SLC44A5: variants seen among roughly 807,000 people sequenced by gnomAD.
The protein encoded by SLC44A5 is choline transporter-like protein 5.
Under a neutral mutation model 101.8 loss-of-function variants are expected in SLC44A5, and 57 were observed. The ratio of observed to expected loss-of-function variants is 0.56; its 90% CI spans 0.45 to 0.70. The LOEUF is 0.70. Ranked by LOEUF, SLC44A5 falls within the 30% of genes least tolerant of loss-of-function variation. SLC44A5 has a pLI of 0.00. For missense variants in SLC44A5, 737 were observed against 853.1 expected (o/e 0.86, Z 1.70); for synonymous variants, 281 against 290.9 (o/e 0.97, Z 0.35).
intron 2 of SLC44A5, among the ~76,000 whole-genome samples, chr1:75,411,562 C>T (rs557514972): frequency 1.3e-5 from 2 of 152,080 alleles, no homozygotes; most frequent in South Asian, 2.1e-4. Context: ...AATAAACAGC[C>T]ACAAAAGGGG....
At chr1:75,317,119 C>T (rs1264951735) in intron 4 of SLC44A5, among the ~76,000 whole-genome samples, 1 of 152,190 alleles carries the variant, frequency 6.6e-6, no homozygotes, top group East Asian at 1.9e-4. Context: ...TTTAAAAGTA[C>T]GATTTTAAAC....
At chr1:75,536,355 T>A (rs1449897629) in intron 2 of SLC44A5, among the ~76,000 whole-genome samples, 1 of 151,902 alleles carries the variant, frequency 6.6e-6, no homozygotes. Flanking sequence ...ATCCCAGCCC[T>A]TTGGGAGGCC....
At chr1:75,376,276 G>A (rs1165570260) in intron 3 of SLC44A5, among the ~76,000 whole-genome samples, 1 of 152,234 alleles carries the variant, frequency 6.6e-6, no homozygotes, top group Non-Finnish European at 1.5e-5. Flanking sequence ...GCCCGCCATT[G>A]CCCAGGCTTG....
intron 13 of SLC44A5, among the ~76,000 whole-genome samples, chr1:75,227,310 A>T (rs1647223626): frequency 6.6e-6 from 1 of 152,182 alleles, no homozygotes. Context: ...GGGTGAAGTT[A>T]GCCATGATTG....
chr1:75,408,111 A>G (rs1663022464), intron 2 of SLC44A5, among the ~76,000 whole-genome samples: 1 of 152,222 alleles, frequency 6.6e-6, no homozygotes, highest in African/African-American at 2.4e-5. Flanking sequence ...CATATGAAAA[A>G]AAGCTCATTG....
At chr1:75,484,880 C>A (rs898709579) in intron 2 of SLC44A5, among the ~76,000 whole-genome samples, 4 of 152,246 alleles carry the variant, frequency 2.6e-5, no homozygotes, top group African/African-American at 9.6e-5. Context: ...ACAGCCCAAG[C>A]TGTTCCTTGG....
the SLC44A5 span, among the ~76,000 whole-genome samples, chr1:75,659,426 TGGGAGGGA>T: frequency 1.4e-4 from 6 of 43,828 alleles, no homozygotes; most frequent in South Asian, 3.7e-3. Flanking sequence ...AGAGGGAGGG[TGGGAGGGA>T]GGGAGGGAGG....
chr1:75,350,921 A>T (rs1435528588), intron 3 of SLC44A5, among the ~76,000 whole-genome samples: 1 of 151,580 alleles, frequency 6.6e-6, no homozygotes. Flanking sequence ...AGACAGAAAG[A>T]AAAAGGTTGA....
chr1:75,657,081 G>A, the SLC44A5 span, among the ~76,000 whole-genome samples: 53 of 152,164 alleles, frequency 3.5e-4, no homozygotes, highest in African/African-American at 1.3e-3. Flanking sequence ...TCCAGGAGGT[G>A]TAGGTTGCAG....
intron 2 of SLC44A5, among the ~76,000 whole-genome samples, chr1:75,439,367 G>T (rs563383528): frequency 1.4e-4 from 21 of 152,164 alleles, no homozygotes; most frequent in African/African-American, 5.1e-4. Context: ...TGACCAAGGA[G>T]ATTTGAAAAG....
chr1:75,228,929 A>G (rs1647316733), intron 12 of SLC44A5, among the ~76,000 whole-genome samples: 1 of 151,690 alleles, frequency 6.6e-6, no homozygotes, highest in Admixed American at 6.6e-5. Context: ...TAATAATTTT[A>G]GTGTCCAATG....
At chr1:75,615,953 G>C (rs929270997), upstream of SLC44A5, 1 of 902,916 alleles carries the variant, frequency 1.1e-6, no homozygotes, top group Admixed American at 6.2e-5. Context: ...GCTCCCAGGC[G>C]AGCCCTCGCC....
chr1:75,343,188 CT>C (rs1336552912), intron 3 of SLC44A5, among the ~76,000 whole-genome samples: 1 of 152,130 alleles, frequency 6.6e-6, no homozygotes, highest in Non-Finnish European at 1.5e-5. Context: ...ATTTTATAAG[CT>C]TCTTAAGTCA....
intron 3 of SLC44A5, among the ~76,000 whole-genome samples, chr1:75,342,192 G>T (rs1657934801): frequency 6.6e-6 from 1 of 152,070 alleles, no homozygotes; most frequent in Non-Finnish European, 1.5e-5. Flanking sequence ...ATTCAAGAAA[G>T]TCAAATAATT....
At chr1:75,470,589 G>C (rs1445952007) in intron 2 of SLC44A5, among the ~76,000 whole-genome samples, 1 of 152,176 alleles carries the variant, frequency 6.6e-6, no homozygotes, top group Non-Finnish European at 1.5e-5. Context: ...CCAGACGTGA[G>C]GGGGAGGGAA....
chr1:75,539,647 C>G (rs1671245179), intron 2 of SLC44A5, among the ~76,000 whole-genome samples: 1 of 151,730 alleles, frequency 6.6e-6, no homozygotes. Flanking sequence ...AGTAATGGCT[C>G]AAGCCTTGAG....
intron 4 of SLC44A5, among the ~76,000 whole-genome samples, chr1:75,308,620 C>A (rs1045174455): frequency 5.3e-5 from 8 of 152,082 alleles, no homozygotes; most frequent in Non-Finnish European, 7.4e-5. Flanking sequence ...CATTGTAGAC[C>A]AAAGGCACTA....
chr1:75,530,940 T>C (rs1270429592), intron 2 of SLC44A5, among the ~76,000 whole-genome samples: 1 of 152,248 alleles, frequency 6.6e-6, no homozygotes, highest in South Asian at 2.1e-4. Context: ...AATATTAAAG[T>C]GAGGAAGTTT....
intron 1 of SLC44A5, among the ~76,000 whole-genome samples, chr1:75,565,247 T>G (rs1006445819): frequency 3.9e-5 from 6 of 152,166 alleles, no homozygotes; most frequent in Non-Finnish European, 8.8e-5. Context: ...TAAATTATGC[T>G]GAAAACAAAA....
Sources: gnomAD v4.1 joint callset for allele counts (sites outside exome capture counted in the v4.1 genomes callset) on GRCh38, gnomAD v4.1.1 for gene constraint, MANE v1.5 for transcripts, NCBI Gene and HGNC (gene_info 2026-07-23, HGNC 2026-07-21) for gene names.